Variants in GNG4 observed in about 807,000 individuals in gnomAD.
GNG4 encodes G protein subunit gamma 4, also known as guanine nucleotide-binding protein G(I)/G(S)/G(O) subunit gamma-4.
GNG4 carries 4 observed loss-of-function variants against 5.8 expected under a neutral mutation model. The observed-to-expected ratio is 0.69, with a 90% CI of 0.34 to 1.57. GNG4 has a LOEUF of 1.57. GNG4 is among the 40% of genes most tolerant of loss of function. The pLI, the probability that GNG4 is intolerant of heterozygous loss-of-function variation, is 0.06. For synonymous variants in GNG4, 29 were observed against 32.9 expected (o/e 0.88, Z 0.41); for missense variants, 96 against 95.1 (o/e 1.01, Z -0.04).
At chr1:235,576,619 C>T (rs1687490877) in intron 3 of GNG4, among the ~76,000 whole-genome samples, 1 of 152,122 alleles carries the variant, frequency 6.6e-6, no homozygotes, top group African/African-American at 2.4e-5. Context: ...TTTTTAGCTG[C>T]TGATAAGAGT....
chr1:235,557,155 C>A (rs557099947), intron 3 of GNG4, among the ~76,000 whole-genome samples: 66 of 151,724 alleles, frequency 4.4e-4, no homozygotes, highest in African/African-American at 1.4e-3. Flanking sequence ...TTTTATACTA[C>A]ACAGAATCTA....
intron 2 of GNG4, 103 bp from the exon 3 acceptor site, chr1:235,583,951 T>A: frequency 1.6e-6 from 1 of 613,298 alleles, no homozygotes; most frequent in Non-Finnish European, 2.9e-6. Context: ...CCAGGGAGCA[T>A]CTGGGAGCAT....
intron 2 of GNG4, among the ~76,000 whole-genome samples, chr1:235,587,230 AGT>A (rs1487964404): frequency 5.0e-5 from 3 of 59,974 alleles, no homozygotes; most frequent in African/African-American, 2.9e-4. Flanking sequence ...GGTGAGTGTG[AGT>A]GTGTGAGGTG....
intron 1 of GNG4, among the ~76,000 whole-genome samples, chr1:235,604,670 C>T (rs1162133368): frequency 1.3e-5 from 2 of 152,338 alleles, no homozygotes; most frequent in Admixed American, 6.5e-5. Context: ...AGCCATTGGT[C>T]TTAGGTCCCA....
At chr1:235,553,350 T>A (rs1258923498) in intron 3 of GNG4, among the ~76,000 whole-genome samples, 1 of 152,164 alleles carries the variant, frequency 6.6e-6, no homozygotes, top group Non-Finnish European at 1.5e-5. Flanking sequence ...ATCCTGCCAA[T>A]TAGGCTGTTC....
chr1:235,588,650 C>T (rs1687887310), intron 2 of GNG4, among the ~76,000 whole-genome samples: 1 of 152,036 alleles, frequency 6.6e-6, no homozygotes, highest in African/African-American at 2.4e-5. Context: ...CTCTGCGAGG[C>T]CCTCAGAGCT....
intron 3 of GNG4, among the ~76,000 whole-genome samples, chr1:235,577,745 A>C (rs375344341): frequency 3.3e-5 from 5 of 152,116 alleles, no homozygotes; most frequent in African/African-American, 1.2e-4. Flanking sequence ...GGCCCATCTC[A>C]GTGTTGTCAT....
At chr1:235,596,129 G>T (rs1377899734) in intron 1 of GNG4, among the ~76,000 whole-genome samples, 1 of 148,814 alleles carries the variant, frequency 6.7e-6, no homozygotes, top group Non-Finnish European at 1.5e-5. Context: ...AGCCAAGATC[G>T]CTCCACTGCA....
chr1:235,551,934 A>G lies in GNG4; in HGVS notation c.*175T>C. On this transcript the variant is annotated 3_prime_UTR_variant, in exon 4 of 4. Coordinates refer to ENST00000391854, the MANE Select transcript of GNG4 (RefSeq NM_001098722.2). ...TGAAAATAACATGAAAATGAAAAGG[A>G]AAAAAATGAAATTGAATGCCACGAA... 1 of 521,084 alleles carries G rather than the reference A, an allele frequency of 1.9e-6. No homozygotes were observed. Among genetic ancestry groups the G allele is most frequent in the Non-Finnish European group, 3.5e-6 (1 of 286,070 alleles). 32.3% of individuals were successfully genotyped at this position (521,084 alleles called of 1,614,324 possible). A position where few individuals can be genotyped will look rare whatever the true frequency, so the allele number is the denominator to read the frequency against.
chr1:235,643,459 C>G (rs1657397385), intron 1 of GNG4, among the ~76,000 whole-genome samples: 2 of 152,192 alleles, frequency 1.3e-5, no homozygotes, highest in African/African-American at 4.8e-5. Context: ...CACATGCACC[C>G]CCTCTAGGTT....
At chr1:235,577,943 C>T (rs1687527424) in intron 3 of GNG4, among the ~76,000 whole-genome samples, 2 of 152,228 alleles carry the variant, frequency 1.3e-5, no homozygotes, top group East Asian at 1.9e-4. Context: ...CTTCCTCTCT[C>T]TTCCCTCCTC....
intron 1 of GNG4, among the ~76,000 whole-genome samples, chr1:235,630,521 T>C (rs7516308): frequency 0.068 from 10,303 of 152,184 alleles, 1,094 homozygotes; most frequent in African/African-American, 0.23. Flanking sequence ...CTGACGAAAG[T>C]ACACGGTTTG....
At chr1:235,578,793 G>A (rs960632117) in intron 3 of GNG4, among the ~76,000 whole-genome samples, 1 of 152,096 alleles carries the variant, frequency 6.6e-6, no homozygotes, top group African/African-American at 2.4e-5. Flanking sequence ...GAGAGATGTT[G>A]GTCAAAGGAC....
intron 1 of GNG4, among the ~76,000 whole-genome samples, chr1:235,637,026 C>A (rs1032962855): frequency 6.7e-6 from 1 of 149,810 alleles, no homozygotes; most frequent in Non-Finnish European, 1.5e-5. Context: ...CCACTGCACT[C>A]CAGCCTGGGC....
intron 1 of GNG4, among the ~76,000 whole-genome samples, chr1:235,596,618 A>G (rs888753193): frequency 2.0e-5 from 3 of 152,252 alleles, no homozygotes; most frequent in African/African-American, 7.2e-5. Flanking sequence ...CCCAGAGATA[A>G]CTATGGTTAG....
rs763380274 is a variant in GNG4 at position 235,644,006 on chromosome 1, A to G, written c.-123+5656T>C. Among the ~76,000 whole-genome samples, 1 of 152,194 alleles carries G rather than the reference A, an allele frequency of 6.6e-6. No individual in the cohort carries two copies. The highest frequency in any genetic ancestry group is 1.5e-5 in the Non-Finnish European group (1 of 68,030). ...ACACTTGCTGCAGTGTTCACGGAGC[A>G]CACACAGAAAGATCTGCCCGAGAGA... On this transcript the variant is annotated intron_variant, in intron 1 of 3. Coordinates refer to ENST00000391854, the MANE Select transcript of GNG4 (RefSeq NM_001098722.2). The surrounding 1 kb of genome is among the most constrained non-coding windows in gnomAD (Gnocchi z 5.9).
intron 1 of GNG4, among the ~76,000 whole-genome samples, chr1:235,608,083 G>A (rs1356819624): frequency 1.3e-5 from 2 of 151,900 alleles, no homozygotes; most frequent in East Asian, 1.9e-4. Flanking sequence ...GACTACAGGC[G>A]CACGCCACCA....
chr1:235,615,424 C>T (rs1480046689), intron 1 of GNG4: 2 of 154,778 alleles, frequency 1.3e-5, no homozygotes, highest in African/African-American at 4.8e-5. Context: ...ACGATCTCCT[C>T]TATGTGACTG....
At chr1:235,588,814 C>G (rs1359410223) in intron 2 of GNG4, 1 of 152,530 alleles carries the variant, frequency 6.6e-6, no homozygotes, top group African/African-American at 2.4e-5. Context: ...GCAGAGAACC[C>G]TCCTTAATGT....
Sources: allele counts gnomAD v4.1 joint callset (sites outside exome capture counted in the v4.1 genomes callset), GRCh38; gene constraint gnomAD v4.1.1; non-coding constraint Gnocchi (gnomAD v3.1); transcripts MANE v1.5; gene names NCBI Gene and HGNC (gene_info 2026-07-23, HGNC 2026-07-21).